The following EML4 variants were observed in gnomAD, a reference collection of about 807,000 sequenced individuals.
EML4 encodes echinoderm microtubule-associated protein-like 4.
In EML4, 72 loss-of-function variants were observed where a neutral mutation model predicts 129.0. The observed-to-expected ratio is 0.56, with a 90% CI of 0.46 to 0.68. The LOEUF is 0.68. Ranked by LOEUF, EML4 falls within the 30% of genes least tolerant of loss-of-function variation. The pLI is 0.00. For missense variants in EML4, 1,363 were observed against 1,190.6 expected, an observed-to-expected ratio of 1.14 and a Z score of -2.13; for synonymous variants, 532 against 405.0, an observed-to-expected ratio of 1.31 and a Z score of -3.77.
chr2:42,252,689 T>C (rs1259508185), intron 2 of EML4, among the ~76,000 whole-genome samples: 1 of 152,172 alleles, frequency 6.6e-6, no homozygotes, highest in Non-Finnish European at 1.5e-5. Flanking sequence ...CTCTCTTTGC[T>C]GTTAGAGTGT....
intron 1 of EML4, among the ~76,000 whole-genome samples, chr2:42,200,689 TATC>T (rs1348836696): frequency 2.6e-5 from 4 of 152,268 alleles, no homozygotes; most frequent in East Asian, 1.9e-4. Context: ...TGACTCTAAA[TATC>T]ATAACAATTC....
At chr2:42,263,817 C>A (rs1190606114) in intron 5 of EML4, among the ~76,000 whole-genome samples, 1 of 152,154 alleles carries the variant, frequency 6.6e-6, no homozygotes, top group Non-Finnish European at 1.5e-5. Flanking sequence ...GCAACCTCCG[C>A]CTCCCAGGTG....
At chr2:42,176,202 G>C (rs953453481) in intron 1 of EML4, among the ~76,000 whole-genome samples, 1 of 151,934 alleles carries the variant, frequency 6.6e-6, no homozygotes, top group Non-Finnish European at 1.5e-5. Context: ...TGCCATTTTT[G>C]CCTAGGGCAT....
At chr2:42,259,758 C>G (rs1377380922) in intron 3 of EML4, among the ~76,000 whole-genome samples, 2 of 117,190 alleles carry the variant, frequency 1.7e-5, no homozygotes, top group Non-Finnish European at 3.2e-5. Context: ...GAGACGGCGT[C>G]TCGCTCTGTC....
intron 1 of EML4, among the ~76,000 whole-genome samples, chr2:42,235,487 T>C (rs529327516): frequency 1.3e-5 from 2 of 152,110 alleles, no homozygotes; most frequent in Non-Finnish European, 2.9e-5. Flanking sequence ...AAAAACACTA[T>C]ACACAGTGTG....
chr2:42,298,870 T>TA (rs1300373625), intron 13 of EML4, among the ~76,000 whole-genome samples: 2 of 152,226 alleles, frequency 1.3e-5, no homozygotes, highest in African/African-American at 4.8e-5. Flanking sequence ...TCTTACATGA[T>TA]ACCTTCAGGC....
chr2:42,185,443 G>C (rs904129413), intron 1 of EML4, among the ~76,000 whole-genome samples: 1 of 152,158 alleles, frequency 6.6e-6, no homozygotes, highest in African/African-American at 2.4e-5. Flanking sequence ...AAAAATCTCT[G>C]CTGTCTGGTT....
intron 6 of EML4, among the ~76,000 whole-genome samples, chr2:42,267,895 A>G (rs1457427043): frequency 1.3e-5 from 2 of 152,238 alleles, no homozygotes; most frequent in African/African-American, 2.4e-5. Flanking sequence ...AATAAGTTCC[A>G]TGTAGGACTA....
At chr2:42,221,134 G>T (rs1406030768) in intron 1 of EML4, among the ~76,000 whole-genome samples, 1 of 152,092 alleles carries the variant, frequency 6.6e-6, no homozygotes, top group Non-Finnish European at 1.5e-5. Flanking sequence ...CTAAACAACA[G>T]ATTATCAGTG....
chr2:42,221,477 A>G (rs998072266), intron 1 of EML4, among the ~76,000 whole-genome samples: 7 of 138,306 alleles, frequency 5.1e-5, no homozygotes, highest in Non-Finnish European at 7.6e-5. Context: ...TAGTGCTATC[A>G]TGGCTCACTG....
chr2:42,219,868 G>T (rs991716208), intron 1 of EML4, among the ~76,000 whole-genome samples: 1 of 150,910 alleles, frequency 6.6e-6, no homozygotes, highest in African/African-American at 2.4e-5. Context: ...GGGGGTTGCA[G>T]TGAGCCAAGA....
At position 42,202,865 on chromosome 2, in the gene EML4, A is replaced by G. The variant is rs552025732; in HGVS notation, c.25+33229A>G. 9.2e-5 allele frequency among the ~76,000 whole-genome samples: 14 copies of G among 152,146 alleles called. No homozygotes were observed. The East Asian group carries it at 2.7e-3, about 29-fold the overall frequency. On this transcript the variant is annotated intron_variant, in intron 1 of 22. Transcript: ENST00000318522. The stretch of plus-strand genomic sequence containing the variant: ...CAACGTAGCAAGACCCCATCTCTAC[A>G]AAAAATAAAAAAATTAGCCTGGTGG...
intron 1 of EML4, among the ~76,000 whole-genome samples, chr2:42,171,860 A>T (rs528993842): frequency 6.6e-6 from 1 of 152,168 alleles, no homozygotes; most frequent in African/African-American, 2.4e-5. Context: ...GAAACCTTAA[A>T]GGGGTGGGGG....
At chr2:42,327,830 A>G (rs1443865595) in intron 21 of EML4, among the ~76,000 whole-genome samples, 1 of 152,226 alleles carries the variant, frequency 6.6e-6, no homozygotes, top group Non-Finnish European at 1.5e-5. Flanking sequence ...CACAAAAATT[A>G]ATATTTTCTC....
Position 42,169,582 on chromosome 2 carries a change from A to G in EML4, c.-30A>G, listed in dbSNP as rs7233. On this transcript the variant is annotated 5_prime_UTR_variant, in exon 1 of 23. It removes the in-frame stop codon of an upstream open reading frame in the 5' UTR. Transcript: ENST00000318522. ...CGCTGAATGAAGTGCCCGCCCCTCT[A>G]AGCCCGGAGCCCGGCGCTTTCCCCG... 0.68 allele frequency: 1,089,651 copies of G among 1,594,284 alleles called. 376,100 individuals are homozygous for G. The highest frequency in any genetic ancestry group is 0.83 in the South Asian group (74,778 of 90,006).
At chr2:42,290,417 A>T (rs540352389) in intron 11 of EML4, among the ~76,000 whole-genome samples, 1 of 152,154 alleles carries the variant, frequency 6.6e-6, no homozygotes, top group Non-Finnish European at 1.5e-5. Context: ...GAAAAAAAAT[A>T]AAAAATTAAC....
intron 1 of EML4, among the ~76,000 whole-genome samples, chr2:42,244,726 T>C (rs1340129898): frequency 6.6e-6 from 1 of 152,160 alleles, no homozygotes; most frequent in Non-Finnish European, 1.5e-5. Context: ...TTCCTCATCA[T>C]TGTTGGTTAA....
Position 42,306,549 on chromosome 2 carries a change from A to G in EML4, c.1967+1998A>G, listed in dbSNP as rs372122025. 1.8e-4 allele frequency among the ~76,000 whole-genome samples: 24 copies of G among 133,910 alleles called. No individual in the cohort carries two copies. In the South Asian group the frequency reaches 3.2e-3, roughly 18 times the overall value. 87.9% of individuals were successfully genotyped at this position (133,910 alleles called of 152,430 possible). A position where few individuals can be genotyped will look rare whatever the true frequency, so the allele number is the denominator to read the frequency against. On this transcript the variant is annotated intron_variant, in intron 17 of 22. Coordinates refer to ENST00000318522, the MANE Select transcript of EML4 (RefSeq NM_019063.5). ...GCTCTGTCACCCAAGCTGGAGTGCA[A>G]TGGCATGATCTTGGCTCACAGCAAG...
chr2:42,231,251 C>G (rs1176995708), intron 1 of EML4, among the ~76,000 whole-genome samples: 4 of 152,202 alleles, frequency 2.6e-5, no homozygotes, highest in Non-Finnish European at 5.9e-5. Context: ...CTTTCCTGAA[C>G]CTATGACTAG....
Sources: gnomAD v4.1 joint callset for allele counts (sites outside exome capture counted in the v4.1 genomes callset) on GRCh38, gnomAD v4.1.1 for gene constraint, MANE v1.5 for transcripts, NCBI Gene and HGNC (gene_info 2026-07-23, HGNC 2026-07-21) for gene names.